The following IPCEF1 variants were observed in gnomAD, a reference collection of about 807,000 sequenced individuals.
IPCEF1 encodes the protein interaction protein for cytohesin exchange factors 1.
IPCEF1 carries 31 observed loss-of-function variants against 50.9 expected under a neutral mutation model. That is an observed-to-expected ratio of 0.61 (90% confidence interval 0.46 to 0.82). The LOEUF is 0.82. Ranked by LOEUF, IPCEF1 falls within the 40% of genes least tolerant of loss-of-function variation. The pLI is 0.00. For synonymous variants in IPCEF1, 181 were observed against 192.0 expected (o/e 0.94, Z 0.47); for missense variants, 458 against 514.0 (o/e 0.89, Z 1.05).
At chr6:154,250,720 C>G (rs142403738) in intron 3 of IPCEF1, among the ~76,000 whole-genome samples, 1,933 of 152,274 alleles carry the variant, frequency 0.013, 37 homozygotes, top group African/African-American at 0.042. Context: ...GCAAAATTTA[C>G]CCCAAGATGT....
intron 1 of IPCEF1, among the ~76,000 whole-genome samples, chr6:154,338,368 G>C (rs1298113037): frequency 6.6e-6 from 1 of 152,226 alleles, no homozygotes; most frequent in Non-Finnish European, 1.5e-5. Context: ...GAGAGCCAAA[G>C]AGTTTCGGTG....
Position 154,246,766 on chromosome 6 carries a change from A to G in IPCEF1, c.77-6T>C, listed in dbSNP as rs781631857. 2.5e-6 allele frequency: 4 copies of G among 1,613,406 alleles called. No individual in the cohort carries two copies. Among genetic ancestry groups the G allele is most frequent in the East Asian group, 2.2e-5 (1 of 44,886 alleles). On this transcript the variant is annotated splice_polypyrimidine_tract_variant and splice_region_variant and intron_variant, in intron 4 of 11. Transcript: ENST00000367220. ...CCGACTCATCGTGAGAAAACCTGCAATGATTACATGAAGAGGTAGATAATG... is the reference window on the plus strand; with the variant it reads ...CCGACTCATCGTGAGAAAACCTGCAGTGATTACATGAAGAGGTAGATAATG...
chr6:154,174,905 T>C (rs1800187742), intron 10 of IPCEF1, among the ~76,000 whole-genome samples: 1 of 152,144 alleles, frequency 6.6e-6, no homozygotes, highest in Non-Finnish European at 1.5e-5. Flanking sequence ...ATTCTAAAGT[T>C]GACCAAATAA....
intron 1 of IPCEF1, among the ~76,000 whole-genome samples, chr6:154,317,045 T>C (rs960494768): frequency 3.3e-5 from 5 of 152,154 alleles, no homozygotes; most frequent in African/African-American, 1.2e-4. Context: ...ATTTTTGTGA[T>C]CTTGGGGTAG....
At chr6:154,337,048 C>T (rs1392460955) in intron 1 of IPCEF1, among the ~76,000 whole-genome samples, 5 of 152,018 alleles carry the variant, frequency 3.3e-5, no homozygotes, top group African/African-American at 1.2e-4. Context: ...TGATGGAAAC[C>T]TTAAGTACCC....
chr6:154,195,775 T>C (rs1776566056), intron 10 of IPCEF1, among the ~76,000 whole-genome samples: 1 of 148,412 alleles, frequency 6.7e-6, no homozygotes, highest in East Asian at 2.0e-4. Context: ...TAGACCAGAA[T>C]TGTACCTTGT....
intron 10 of IPCEF1, among the ~76,000 whole-genome samples, chr6:154,188,723 A>G (rs955525602): frequency 6.6e-6 from 1 of 152,258 alleles, no homozygotes; most frequent in African/African-American, 2.4e-5. Flanking sequence ...CACTCGATTC[A>G]TGAGAAAGAT....
At chr6:154,268,342 G>C (rs1445567458) in intron 2 of IPCEF1, among the ~76,000 whole-genome samples, 1 of 152,210 alleles carries the variant, frequency 6.6e-6, no homozygotes, top group Non-Finnish European at 1.5e-5. Flanking sequence ...GCTACAGCCT[G>C]CTCAGCTGTG....
At chr6:154,195,936 T>A (rs769754884) in intron 10 of IPCEF1, among the ~76,000 whole-genome samples, 6 of 151,742 alleles carry the variant, frequency 4.0e-5, no homozygotes, top group Non-Finnish European at 5.9e-5. Flanking sequence ...GGATTACAGG[T>A]GTGTGCCACC....
intron 9 of IPCEF1, among the ~76,000 whole-genome samples, chr6:154,200,474 A>G (rs1483397214): frequency 6.6e-6 from 1 of 152,238 alleles, no homozygotes; most frequent in Non-Finnish European, 1.5e-5. Flanking sequence ...TAATCCCAGC[A>G]CTTTGGAAGA....
chr6:154,266,772 T>C (rs1264808344), intron 2 of IPCEF1, among the ~76,000 whole-genome samples: 4 of 152,126 alleles, frequency 2.6e-5, no homozygotes, highest in South Asian at 4.2e-4. Flanking sequence ...TTGCACTTTG[T>C]AGTGGGTTGC....
chr6:154,264,077 C>T (rs1781687805), intron 3 of IPCEF1, among the ~76,000 whole-genome samples: 1 of 151,568 alleles, frequency 6.6e-6, no homozygotes, highest in Non-Finnish European at 1.5e-5. Context: ...CCTACCGCAG[C>T]CACATTGATT....
intron 2 of IPCEF1, among the ~76,000 whole-genome samples, chr6:154,273,724 C>CTTTTTTTTCTTTTTTTTTTTTTTTTTTT (rs1781961915): frequency 1.6e-5 from 1 of 63,316 alleles, no homozygotes; most frequent in African/African-American, 5.6e-5. Flanking sequence ...TTCTTTCTTT[C>CTTTTTTTTCTTTTTTTTTTTTTTTTTTT]TTTTTTTTTT....
chr6:154,352,074 C>T (rs944782829), intron 1 of IPCEF1, among the ~76,000 whole-genome samples: 1 of 151,974 alleles, frequency 6.6e-6, no homozygotes, highest in African/African-American at 2.4e-5. Flanking sequence ...AGCAAACCAC[C>T]ATGGCACACA....
intron 6 of IPCEF1, among the ~76,000 whole-genome samples, chr6:154,221,924 C>G (rs1370802283): frequency 2.6e-5 from 4 of 152,136 alleles, no homozygotes; most frequent in Admixed American, 2.0e-4. Flanking sequence ...TATCCTCTTC[C>G]TTTCACTTGC....
chr6:154,291,511 T>C (rs767570624), intron 1 of IPCEF1, among the ~76,000 whole-genome samples: 16 of 152,096 alleles, frequency 1.1e-4, no homozygotes, highest in South Asian at 2.1e-4. Flanking sequence ...ATTCCCAAAT[T>C]ATGACACTTT....
rs764017859 is a variant in IPCEF1 at position 154,159,939 on chromosome 6, G to C, written c.1206C>G (p.Ile402Met). The change falls in exon 12 of 12, where the codon ATC (isoleucine) becomes ATG (methionine). Residue 402 changes from isoleucine to methionine, a missense_variant. Physicochemically the swap from Ile to Met is conservative, Grantham distance 10. Transcript: ENST00000367220. ...CCCGCTGCTGCTGATAGATGTCCTG[G>C]ATCAGCAGGGTGTTCATGACTTTCC... is the stretch of plus-strand genomic sequence containing the variant. Reference protein sequence around the residue: ...REWKVMNTLLIQDIYQQQRAS... With the variant: ...REWKVMNTLLMQDIYQQQRAS... 1.2e-6 allele frequency: 2 copies of C among 1,613,434 alleles called. No individual in the cohort carries two copies. The highest frequency in any genetic ancestry group is 1.1e-5 in the South Asian group (1 of 91,042).
At chr6:154,305,588 T>A (rs1211968652) in intron 1 of IPCEF1, among the ~76,000 whole-genome samples, 1 of 152,196 alleles carries the variant, frequency 6.6e-6, no homozygotes, top group East Asian at 1.9e-4. Flanking sequence ...GTGTGATGGT[T>A]AATATTATGT....
At chr6:154,238,826 G>T (rs986827797) in intron 5 of IPCEF1, among the ~76,000 whole-genome samples, 1 of 151,808 alleles carries the variant, frequency 6.6e-6, no homozygotes, top group African/African-American at 2.4e-5. Flanking sequence ...GATTACAGGC[G>T]TGAGCCACCA....
Sources: allele counts gnomAD v4.1 joint callset (sites outside exome capture counted in the v4.1 genomes callset), GRCh38; gene constraint gnomAD v4.1.1; transcripts MANE v1.5; gene names NCBI Gene and HGNC (gene_info 2026-07-23, HGNC 2026-07-21).